The following PARD3B variants were observed in gnomAD, a reference collection of about 807,000 sequenced individuals.
PARD3B encodes par-3 family cell polarity regulator beta.
Under a neutral mutation model 130.2 loss-of-function variants are expected in PARD3B, and 103 were observed. The ratio of observed to expected loss-of-function variants is 0.79; its 90% confidence interval spans 0.67 to 0.93. The LOEUF is 0.93. PARD3B is among the 40% of genes least tolerant of loss of function. PARD3B has a pLI of 0.00. For synonymous variants in PARD3B, 583 were observed against 553.2 expected (o/e 1.05, Z -0.76); for missense variants, 1,609 against 1,499.2 (o/e 1.07, Z -1.21).
At chr2:204,563,217 GTCTCTC>G (rs35536964) in intron 1 of PARD3B, among the ~76,000 whole-genome samples, 1,931 of 86,596 alleles carry the variant, frequency 0.022, 32 homozygotes, top group African/African-American at 0.051. Context: ...TCTTCCCGCT[GTCTCTC>G]TCTCTCTCTC....
At chr2:204,883,743 C>A (rs987860494) in intron 2 of PARD3B, among the ~76,000 whole-genome samples, 1 of 150,646 alleles carries the variant, frequency 6.6e-6, no homozygotes, top group African/African-American at 2.4e-5. Context: ...CGCACCTGGC[C>A]TATATATATT....
chr2:204,751,456 G>A (rs1316005248), intron 2 of PARD3B, among the ~76,000 whole-genome samples: 1 of 152,234 alleles, frequency 6.6e-6, no homozygotes, highest in African/African-American at 2.4e-5. Context: ...GGTACACACT[G>A]CCTTTTGGGC....
At chr2:204,803,701 C>CTA (rs1335572248) in intron 2 of PARD3B, among the ~76,000 whole-genome samples, 1 of 151,894 alleles carries the variant, frequency 6.6e-6, no homozygotes, top group East Asian at 1.9e-4. Flanking sequence ...ATCAAAAAAC[C>CTA]TACAACAGAT....
intron 3 of PARD3B, among the ~76,000 whole-genome samples, chr2:205,018,670 T>G (rs2125325982): frequency 7.9e-6 from 1 of 126,512 alleles, no homozygotes; most frequent in African/African-American, 3.0e-5. Flanking sequence ...AGGTTACAAT[T>G]ACACCTTATA....
At chr2:204,661,181 A>G (rs2035796397) in intron 1 of PARD3B, among the ~76,000 whole-genome samples, 1 of 152,182 alleles carries the variant, frequency 6.6e-6, no homozygotes. Flanking sequence ...TAAATTAGGA[A>G]CAGGTAGTAA....
In PARD3B at chr2:205,448,824, C is replaced by T. The variant is rs555198180; in HGVS notation, c.3044+8152C>T. 1.8e-3 allele frequency among the ~76,000 whole-genome samples: 272 copies of T among 152,258 alleles called. 1 individual carries two copies. The highest frequency in any genetic ancestry group is 6.3e-3 in the African/African-American group (261 of 41,554). Reference sequence around the variant, plus strand: ...CTTATCTTAGTGATAACGAGGTACACCATGTTTGTGAAAATCCATTGATTT... The same window carrying T: ...CTTATCTTAGTGATAACGAGGTACATCATGTTTGTGAAAATCCATTGATTT... On this transcript the variant is annotated intron_variant, in intron 20 of 22. Coordinates refer to ENST00000406610, the MANE Select transcript of PARD3B (RefSeq NM_001302769.2).
intron 20 of PARD3B, among the ~76,000 whole-genome samples, chr2:205,475,857 C>A (rs896056631): frequency 6.6e-6 from 1 of 152,156 alleles, no homozygotes; most frequent in Non-Finnish European, 1.5e-5. Context: ...TTTGGTGCAG[C>A]AGTTTGAATT....
chr2:204,751,772 T>C lies in PARD3B; in HGVS notation c.222+65490T>C, dbSNP rs76772658. ...TGTCATGGATGTAGTTGACAATTCA[T>C]TGGCTTTCTTCATGTTTTAAGGTAG... On this transcript the variant is annotated intron_variant, in intron 2 of 22. Coordinates refer to ENST00000406610, the MANE Select transcript of PARD3B (RefSeq NM_001302769.2). Among the ~76,000 whole-genome samples, 1,348 of 152,312 alleles carry C rather than the reference T, an allele frequency of 8.9e-3. 13 individuals carry two copies. The highest frequency in any genetic ancestry group is 0.014 in the Non-Finnish European group (938 of 68,024).
rs958431205 is a variant in PARD3B at position 205,172,409 on chromosome 2, C to A, written c.1791+28C>A. ...GATGCAAATCTTGATTCTCCTCAGC[C>A]AGTTGCCCAAATTGCCACCAGAATA... On this transcript the variant is annotated intron_variant, in intron 12 of 22. Coordinates refer to ENST00000406610, the MANE Select transcript of PARD3B (RefSeq NM_001302769.2). 6 of 1,599,702 alleles carry A rather than the reference C, an allele frequency of 3.8e-6. No individual in the cohort carries two copies. The African/African-American group carries it at 4.0e-5, about 11-fold the overall frequency.
chr2:205,477,165 C>T (rs765588707), intron 20 of PARD3B, among the ~76,000 whole-genome samples: 2 of 152,190 alleles, frequency 1.3e-5, no homozygotes, highest in Non-Finnish European at 2.9e-5. Flanking sequence ...GCACTTCAAC[C>T]TCCAGTCCCA....
chr2:204,951,712 G>C (rs1030807242), intron 2 of PARD3B, among the ~76,000 whole-genome samples: 1 of 152,164 alleles, frequency 6.6e-6, no homozygotes, highest in Non-Finnish European at 1.5e-5. Flanking sequence ...GAGCCAACTG[G>C]ATGATAGAAC....
intron 9 of PARD3B, 104 bp downstream of exon 9, chr2:205,124,570 G>A (rs878984170): frequency 3.6e-5 from 30 of 827,806 alleles, no homozygotes; most frequent in Middle Eastern, 4.5e-4. Flanking sequence ...TTTTTATTTT[G>A]AACCTAATAT....
At chr2:205,593,099 T>C (rs1164758736) in intron 22 of PARD3B, among the ~76,000 whole-genome samples, 1 of 152,228 alleles carries the variant, frequency 6.6e-6, no homozygotes, top group Non-Finnish European at 1.5e-5. Flanking sequence ...GTTTTGTCCA[T>C]CCAGTTTTAG....
intron 2 of PARD3B, among the ~76,000 whole-genome samples, chr2:204,848,618 C>A (rs1311267687): frequency 6.6e-6 from 1 of 151,012 alleles, no homozygotes; most frequent in Non-Finnish European, 1.5e-5. Flanking sequence ...CACACTCCAG[C>A]CTGGATGATA....
At chr2:204,892,005 T>G (rs1380190960) in intron 2 of PARD3B, among the ~76,000 whole-genome samples, 1 of 152,208 alleles carries the variant, frequency 6.6e-6, no homozygotes, top group East Asian at 1.9e-4. Flanking sequence ...CACATATGTA[T>G]TGAGTGCTTC....
intron 3 of PARD3B, among the ~76,000 whole-genome samples, chr2:205,002,755 TC>T (rs1400543918): frequency 1.3e-5 from 2 of 152,076 alleles, no homozygotes; most frequent in Middle Eastern, 3.2e-3. Flanking sequence ...ATCTAGTGGC[TC>T]CCCCTTTCAT....
At chr2:205,016,991 G>C (rs1232060395) in intron 3 of PARD3B, among the ~76,000 whole-genome samples, 2 of 152,192 alleles carry the variant, frequency 1.3e-5, no homozygotes, top group African/African-American at 4.8e-5. Context: ...GGGGGCTACA[G>C]AGATACTGGA....
At chr2:204,935,283 AC>A (rs1394565678) in intron 2 of PARD3B, among the ~76,000 whole-genome samples, 2 of 150,904 alleles carry the variant, frequency 1.3e-5, no homozygotes, top group African/African-American at 2.4e-5. Flanking sequence ...TAATCCCAGC[AC>A]TTTGGGAGGC....
In PARD3B at chr2:204,763,493, C is replaced by T. The variant is rs182949264; in HGVS notation, c.222+77211C>T. On this transcript the variant is annotated intron_variant, in intron 2 of 22. Coordinates refer to ENST00000406610, the MANE Select transcript of PARD3B (RefSeq NM_001302769.2). ...TCAAAATATAGGAGTAATTTTTTTCCGAAGAGCTACTAAAGTGGTTTCCAT... is the reference window on the plus strand; with the variant it reads ...TCAAAATATAGGAGTAATTTTTTTCTGAAGAGCTACTAAAGTGGTTTCCAT... Among the ~76,000 whole-genome samples the T allele has an allele frequency of 1.3e-3, 200 of 152,014 alleles. 4 individuals are homozygous for T. Among genetic ancestry groups the T allele is most frequent in the Admixed American group, 0.012 (185 of 15,272 alleles).
Sources: allele counts gnomAD v4.1 joint callset (sites outside exome capture counted in the v4.1 genomes callset), GRCh38; gene constraint gnomAD v4.1.1; transcripts MANE v1.5; gene names NCBI Gene and HGNC (gene_info 2026-07-23, HGNC 2026-07-21).